MAGI3: variants seen among roughly 807,000 people sequenced by gnomAD.
The protein encoded by MAGI3 is membrane associated guanylate kinase, WW and PDZ domain containing 3.
MAGI3 carries 43 observed loss-of-function variants against 121.8 expected under a neutral mutation model. That is an observed-to-expected ratio of 0.35 (90% confidence interval 0.28 to 0.46). MAGI3 has a LOEUF of 0.46. Among genes scored for constraint, MAGI3 ranks in the 20% least tolerant of loss-of-function variants. The pLI is 1.00. For missense variants in MAGI3, 1,547 were observed against 1,797.3 expected (o/e 0.86, Z 2.52); for synonymous variants, 553 against 639.3 (o/e 0.86, Z 2.04).
At chr1:113,594,023 T>A (rs1648847084) in intron 5 of MAGI3, among the ~76,000 whole-genome samples, 2 of 152,334 alleles carry the variant, frequency 1.3e-5, no homozygotes, top group South Asian at 4.1e-4. Flanking sequence ...TTATTTATCT[T>A]TATATTCCAG....
At chr1:113,470,800 A>C (rs2101538718) in intron 1 of MAGI3, among the ~76,000 whole-genome samples, 1 of 152,224 alleles carries the variant, frequency 6.6e-6, no homozygotes, top group Non-Finnish European at 1.5e-5. Context: ...TTGTATTTCT[A>C]TGCTAGGCTT....
At chr1:113,562,448 T>A (rs181023504) in intron 2 of MAGI3, among the ~76,000 whole-genome samples, 2 of 152,216 alleles carry the variant, frequency 1.3e-5, no homozygotes, top group East Asian at 3.9e-4. Context: ...GGAAAAACAT[T>A]CCATACTTAT....
At chr1:113,606,645 C>T (rs913577044) in intron 6 of MAGI3, among the ~76,000 whole-genome samples, 2 of 152,116 alleles carry the variant, frequency 1.3e-5, no homozygotes, top group Admixed American at 6.6e-5. Context: ...GTTTTGATTT[C>T]CCTACTAATA....
chr1:113,515,034 A>G (rs1309950283), intron 1 of MAGI3, among the ~76,000 whole-genome samples: 8 of 152,112 alleles, frequency 5.3e-5, no homozygotes, highest in African/African-American at 1.7e-4. Flanking sequence ...ATCTGTGTGG[A>G]TACAATATAG....
At chr1:113,644,533 G>T (rs12144215) in intron 11 of MAGI3, among the ~76,000 whole-genome samples, 15,719 of 152,022 alleles carry the variant, frequency 0.1, 1,040 homozygotes, top group East Asian at 0.19. Flanking sequence ...TGCCCGCCTC[G>T]GCCTCCCAAA....
rs61742849 is a variant in MAGI3 at position 113,683,521 on chromosome 1, G to C, written c.3953G>C (p.Gly1318Ala). Residue 1318 changes from glycine to alanine, a missense_variant, in exon 21 of 21, where the codon GGC becomes GCC. Coordinates refer to ENST00000307546, the MANE Select transcript of MAGI3 (RefSeq NM_001142782.2). ...GAGGGTAAGAGTCGAAGAATAGCAG[G>C]CTATACGGGCAGTAATGCTGAGCAG... ...LLEGKSRRIAGYTGSNAEQIP... is the reference protein window; with the variant it reads ...LLEGKSRRIAAYTGSNAEQIP... 22 of 1,613,920 alleles carry C rather than the reference G, an allele frequency of 1.4e-5. No individual in the cohort carries two copies. The highest frequency in any genetic ancestry group is 1.7e-5 in the Admixed American group (1 of 60,008).
intron 2 of MAGI3, among the ~76,000 whole-genome samples, chr1:113,579,288 A>G (rs910387474): frequency 6.6e-6 from 1 of 152,224 alleles, no homozygotes. Flanking sequence ...AAGGATGAGT[A>G]GAAGTTAGCT....
At position 113,535,887 on chromosome 1, in the gene MAGI3, C is replaced by T. The variant is rs76082448; in HGVS notation, c.317-13628C>T. Among the ~76,000 whole-genome samples, 1,355 of 152,190 alleles carry T rather than the reference C, an allele frequency of 8.9e-3. 16 individuals carry two copies. Among genetic ancestry groups the T allele is most frequent in the African/African-American group, 0.031 (1,267 of 41,506 alleles). ...CACCAACATATCAAAACAACATGCCCCAATCCAACCTGATTTCCTGCCTCA... is the reference window on the plus strand; with the variant it reads ...CACCAACATATCAAAACAACATGCCTCAATCCAACCTGATTTCCTGCCTCA... On this transcript the variant is annotated intron_variant, in intron 1 of 20. Coordinates refer to ENST00000307546, the MANE Select transcript of MAGI3 (RefSeq NM_001142782.2).
chr1:113,635,029 CTGTT>C (rs1393105017), intron 9 of MAGI3, among the ~76,000 whole-genome samples: 5 of 152,088 alleles, frequency 3.3e-5, no homozygotes, highest in African/African-American at 7.2e-5. Flanking sequence ...ATTTGGCTCT[CTGTT>C]TGTCTGTTAT....
intron 1 of MAGI3, among the ~76,000 whole-genome samples, chr1:113,543,799 C>A (rs1182396887): frequency 1.3e-5 from 2 of 149,704 alleles, no homozygotes; most frequent in Admixed American, 1.3e-4. Flanking sequence ...GCCCCCGAGG[C>A]GGAGGTTGCA....
At chr1:113,481,075 A>G (rs955766373) in intron 1 of MAGI3, among the ~76,000 whole-genome samples, 2 of 152,188 alleles carry the variant, frequency 1.3e-5, no homozygotes, top group African/African-American at 2.4e-5. Flanking sequence ...TACTTATACT[A>G]TGCATCTCTC....
chr1:113,525,722 A>G (rs1287837242), intron 1 of MAGI3, among the ~76,000 whole-genome samples: 1 of 152,164 alleles, frequency 6.6e-6, no homozygotes, highest in Non-Finnish European at 1.5e-5. Context: ...ATCATTAAAA[A>G]TAAAATACAT....
intron 9 of MAGI3, among the ~76,000 whole-genome samples, chr1:113,627,973 C>T (rs553826094): frequency 1.3e-5 from 2 of 152,038 alleles, no homozygotes; most frequent in Non-Finnish European, 2.9e-5. Context: ...TTTATTCACT[C>T]ATCTTCTCTA....
At chr1:113,570,388 A>G (rs1647228838) in intron 2 of MAGI3, among the ~76,000 whole-genome samples, 2 of 152,102 alleles carry the variant, frequency 1.3e-5, no homozygotes, top group Admixed American at 1.3e-4. Flanking sequence ...AGGATTTATA[A>G]TCTTTTGAGT....
At chr1:113,513,613 T>A (rs1237057984) in intron 1 of MAGI3, among the ~76,000 whole-genome samples, 1 of 152,076 alleles carries the variant, frequency 6.6e-6, no homozygotes, top group Non-Finnish European at 1.5e-5. Context: ...TCACACCTTA[T>A]ACAAAAATTA....
At chr1:113,518,646 C>T (rs967548935) in intron 1 of MAGI3, among the ~76,000 whole-genome samples, 2 of 152,022 alleles carry the variant, frequency 1.3e-5, no homozygotes, top group East Asian at 3.9e-4. Context: ...TTGAGTGATG[C>T]GCCTATTCTT....
intron 9 of MAGI3, among the ~76,000 whole-genome samples, chr1:113,627,374 C>T (rs1441311925): frequency 1.3e-5 from 2 of 151,480 alleles, no homozygotes; most frequent in African/African-American, 2.4e-5. Context: ...TGAATGATGC[C>T]GTGCTGAGGA....
intron 9 of MAGI3, among the ~76,000 whole-genome samples, chr1:113,632,801 A>G (rs1651717477): frequency 6.6e-6 from 1 of 152,224 alleles, no homozygotes; most frequent in East Asian, 1.9e-4. Context: ...ACACTCATAA[A>G]TTAACATCAT....
rs1307867005 is a variant in MAGI3 at position 113,422,241 on chromosome 1, T to C, written c.316+30892T>C. On this transcript the variant is annotated intron_variant, in intron 1 of 20. Transcript: ENST00000307546. The surrounding 1 kb of genome is among the most constrained non-coding windows in gnomAD (Gnocchi z 4.3). Reference sequence around the variant, plus strand: ...ACAAAACTACAGTATAATATCACAGTCAGGATATTGACATTGATACCACCA... The same window carrying C: ...ACAAAACTACAGTATAATATCACAGCCAGGATATTGACATTGATACCACCA... 6.6e-6 allele frequency among the ~76,000 whole-genome samples: 1 copy of C among 152,202 alleles called. No homozygotes were observed. Among genetic ancestry groups the C allele is most frequent in the Non-Finnish European group, 1.5e-5 (1 of 68,030 alleles).
Sources: gnomAD v4.1 joint callset for allele counts (sites outside exome capture counted in the v4.1 genomes callset) on GRCh38, gnomAD v4.1.1 for gene constraint, Gnocchi (gnomAD v3.1) non-coding constraint, MANE v1.5 for transcripts, NCBI Gene and HGNC (gene_info 2026-07-23, HGNC 2026-07-21) for gene names.